MTERF3: variants seen among roughly 807,000 people sequenced by gnomAD.
The protein encoded by MTERF3 is transcription termination factor 3, mitochondrial.
In MTERF3, 40 loss-of-function variants were observed where a neutral mutation model predicts 40.5. That is an observed-to-expected ratio of 0.99 (90% CI 0.77 to 1.29). The LOEUF is 1.29. Among genes scored for constraint, MTERF3 ranks in the 50% most tolerant of loss-of-function variants. The pLI is 0.00. For synonymous variants in MTERF3, 158 were observed against 166.6 expected (o/e 0.95, Z 0.40); for missense variants, 452 against 478.2 (o/e 0.95, Z 0.51).
intron 4 of MTERF3, among the ~76,000 whole-genome samples, chr8:96,247,266 T>G (rs1164536949): frequency 6.6e-6 from 1 of 152,198 alleles, no homozygotes; most frequent in Non-Finnish European, 1.5e-5. Flanking sequence ...TGACCATGCC[T>G]GGCCTGAGCA....
At chr8:96,240,799 T>A (rs1809913358) in intron 7 of MTERF3, among the ~76,000 whole-genome samples, 1 of 152,052 alleles carries the variant, frequency 6.6e-6, no homozygotes, top group Admixed American at 6.5e-5. Context: ...ACGGGATGCG[T>A]TCACATAACC....
chr8:96,259,115 C>A (rs531712976), intron 1 of MTERF3, among the ~76,000 whole-genome samples: 1 of 152,200 alleles, frequency 6.6e-6, no homozygotes, highest in Non-Finnish European at 1.5e-5. Context: ...GGTGTTTCCG[C>A]AGCACATTGC....
rs1304165672 is a variant in MTERF3, at chr8:96,250,677, GAAGA to G, written c.677+225_677+228del. On this transcript the variant is annotated intron_variant, in intron 4 of 7. Coordinates refer to ENST00000287025, the MANE Select transcript of MTERF3 (RefSeq NM_015942.5). ...AGAAGAAGAAGAAGAAGAAGAAGAA[GAAGA>G]AGGAGGAGGAGGAGGGGGGGAGGGG... is the stretch of plus-strand genomic sequence containing the variant. Among the ~76,000 whole-genome samples, 28 of 53,018 alleles carry G rather than the reference GAAGA, an allele frequency of 5.3e-4. 5 individuals are homozygous for G. The highest frequency in any genetic ancestry group is 1.9e-3 in the South Asian group (2 of 1,058). The allele number at this position is 53,018 out of a possible 152,430, so 34.8% of individuals were successfully genotyped here. A position where few individuals can be genotyped will look rare whatever the true frequency, so the allele number is the denominator to read the frequency against.
chr8:96,242,941 G>A (rs575367332), intron 7 of MTERF3, among the ~76,000 whole-genome samples: 1 of 152,232 alleles, frequency 6.6e-6, no homozygotes, highest in South Asian at 2.1e-4. Flanking sequence ...CTTTTTCGTT[G>A]AAGATTATTT....
intron 4 of MTERF3, among the ~76,000 whole-genome samples, chr8:96,248,079 T>C (rs1419971286): frequency 1.3e-5 from 2 of 152,240 alleles, no homozygotes; most frequent in African/African-American, 4.8e-5. Context: ...GCACTGTATC[T>C]GTAAGGATAA....
At chr8:96,255,812 A>G (rs1361238178) in intron 3 of MTERF3, among the ~76,000 whole-genome samples, 1 of 152,044 alleles carries the variant, frequency 6.6e-6, no homozygotes, top group East Asian at 1.9e-4. Flanking sequence ...ATCTGAAAAC[A>G]TCTGAAAACA....
intron 3 of MTERF3, among the ~76,000 whole-genome samples, chr8:96,251,645 T>G (rs1320814937): frequency 1.3e-5 from 2 of 152,220 alleles, no homozygotes; most frequent in East Asian, 3.9e-4. Context: ...TCAAGAAATG[T>G]CTGAGTGAGA....
chr8:96,250,656 GAAGAAGAAGAAGAAGAAGAAGAAGA>G (rs1563548890), intron 4 of MTERF3, among the ~76,000 whole-genome samples: 1 of 29,234 alleles, frequency 3.4e-5, no homozygotes, highest in African/African-American at 1.3e-4. Flanking sequence ...AGAAGAAGAA[GAAGAAGAAGAAGAAGAAGAAGAAGA>G]AGGAGGAGGA....
At chr8:96,251,536 T>G (rs188949606) in intron 3 of MTERF3, among the ~76,000 whole-genome samples, 1 of 152,354 alleles carries the variant, frequency 6.6e-6, no homozygotes, top group East Asian at 1.9e-4. Context: ...AAAAATATGT[T>G]TATGATTCCC....
At chr8:96,258,867 G>A (rs992148028) in intron 1 of MTERF3, among the ~76,000 whole-genome samples, 167 bp from the exon 2 acceptor site, 1 of 152,072 alleles carries the variant, frequency 6.6e-6, no homozygotes, top group Non-Finnish European at 1.5e-5. Context: ...TTATGTACAG[G>A]AAAAGCCAAC....
chr8:96,254,414 A>G (rs867064860), intron 3 of MTERF3, among the ~76,000 whole-genome samples: 7 of 151,202 alleles, frequency 4.6e-5, no homozygotes, highest in African/African-American at 9.7e-5. Context: ...TTGCCCAACA[A>G]CTCCCCATTC....
chr8:96,259,691 C>A (rs1013871390), intron 1 of MTERF3, among the ~76,000 whole-genome samples: 3 of 152,054 alleles, frequency 2.0e-5, no homozygotes, highest in African/African-American at 4.8e-5. Context: ...GGTTACACAA[C>A]CAAATACAAA....
chr8:96,243,795 G>C, intron 7 of MTERF3, 124 bp downstream of exon 7: 2 of 1,019,452 alleles, frequency 2.0e-6, no homozygotes, highest in Non-Finnish European at 2.9e-6. Context: ...TTCTCCTCAG[G>C]AGATGGACAT....
chr8:96,245,963 C>A, intron 5 of MTERF3, 32 bp from the exon 6 acceptor site: 4 of 1,582,028 alleles, frequency 2.5e-6, no homozygotes, highest in Non-Finnish European at 2.6e-6. Context: ...TCTAGTATTA[C>A]TATACGTGCA....
At chr8:96,240,903 G>A (rs1809915330) in intron 7 of MTERF3, among the ~76,000 whole-genome samples, 2 of 152,104 alleles carry the variant, frequency 1.3e-5, no homozygotes, top group Admixed American at 6.5e-5. Flanking sequence ...AAAGTACTAT[G>A]AGAAGAGTGA....
rs761032644 is a variant in MTERF3 at position 96,257,045 on chromosome 8, G to A, written c.404C>T (p.Ala135Val). ...ISEEEAIQII[A>V]DPPLPPASFT... is the part of the protein sequence containing the mutation. ...TGAAGCTGGTGGCAATGGAGGGTCT[G>A]CAATAATCTGAATAGCCTCTTCCTC... Residue 135 changes from alanine to valine, a missense_variant, in exon 3 of 8, where the codon GCA becomes GTA. By Grantham distance (64) the Ala-to-Val change is moderately conservative. Transcript: ENST00000287025. The A allele has an allele frequency of 1.2e-6, 2 of 1,613,996 alleles. No individual in the cohort carries two copies. Among genetic ancestry groups the A allele is most frequent in the Non-Finnish European group, 1.7e-6 (2 of 1,179,888 alleles).
chr8:96,257,485 T>C (rs1027063331), intron 2 of MTERF3, among the ~76,000 whole-genome samples: 4 of 152,218 alleles, frequency 2.6e-5, no homozygotes, highest in African/African-American at 9.6e-5. Flanking sequence ...CAGTCTGAAT[T>C]GCATGGATTA....
intron 4 of MTERF3, among the ~76,000 whole-genome samples, chr8:96,250,615 C>CTGAGGCAGAAGAAGAAGAAGACGA (rs1810131728): frequency 8.5e-5 from 1 of 11,790 alleles, no homozygotes. Context: ...GAGGCTGAGG[C>CTGAGGCAGAAGAAGAAGAAGACGA]AGAAGAAGAA....
chr8:96,246,116 A>G (rs1371476801), intron 5 of MTERF3, among the ~76,000 whole-genome samples, 185 bp from the exon 6 acceptor site: 1 of 152,248 alleles, frequency 6.6e-6, no homozygotes, highest in African/African-American at 2.4e-5. Flanking sequence ...AAACTGAAGG[A>G]ACCAGTTTGA....
Sources: allele counts gnomAD v4.1 joint callset (sites outside exome capture counted in the v4.1 genomes callset), GRCh38; gene constraint gnomAD v4.1.1; transcripts MANE v1.5; gene names NCBI Gene and HGNC (gene_info 2026-07-23, HGNC 2026-07-21).